FLRT2: variants seen among roughly 807,000 people sequenced by gnomAD.
FLRT2 encodes leucine-rich repeat transmembrane protein FLRT2.
FLRT2 carries 15 observed loss-of-function variants against 40.0 expected under a neutral mutation model. That is an observed-to-expected ratio of 0.38 (90% CI 0.25 to 0.58). The LOEUF (loss-of-function observed/expected upper bound fraction) is 0.58. Ranked by LOEUF, FLRT2 falls within the 20% of genes least tolerant of loss-of-function variation. The probability of loss-of-function intolerance (pLI) is 0.71; values close to 1 mark genes in which losing one functional copy is unlikely to be tolerated. For synonymous variants in FLRT2, 380 were observed against 336.8 expected (o/e 1.13, Z -1.41); for missense variants, 726 against 840.0 (o/e 0.86, Z 1.68).
chr14:85,595,573 G>A (rs1323299524), intron 1 of FLRT2, among the ~76,000 whole-genome samples: 1 of 152,084 alleles, frequency 6.6e-6, no homozygotes, highest in Non-Finnish European at 1.5e-5. Flanking sequence ...ACACAGCTAT[G>A]AGAAATCATG....
At chr14:85,579,172 C>T (rs1376457250) in intron 1 of FLRT2, among the ~76,000 whole-genome samples, 2 of 152,184 alleles carry the variant, frequency 1.3e-5, no homozygotes, top group African/African-American at 4.8e-5. Context: ...TCAGTGGGAG[C>T]TGTGCAGTGG....
chr14:85,573,834 A>C (rs1193779033), intron 1 of FLRT2, among the ~76,000 whole-genome samples: 1 of 152,094 alleles, frequency 6.6e-6, no homozygotes, highest in Non-Finnish European at 1.5e-5. Context: ...TCTCAAGTAA[A>C]CCCTGCTTTA....
intron 1 of FLRT2, among the ~76,000 whole-genome samples, chr14:85,593,448 C>A (rs1373323019): frequency 6.7e-6 from 1 of 148,800 alleles, no homozygotes; most frequent in Non-Finnish European, 1.5e-5. Context: ...TTTCACAGGG[C>A]TCTTCCTTAC....
rs67876387 is a variant in FLRT2 at position 85,599,219 on chromosome 14, CTTT to C, written c.-376-21901_-376-21899del. Among the ~76,000 whole-genome samples, 61 of 129,296 alleles carry C rather than the reference CTTT, an allele frequency of 4.7e-4. 2 individuals are homozygous for C. Among genetic ancestry groups the C allele is most frequent in the East Asian group, 1.6e-3 (7 of 4,438 alleles). The allele number at this position is 129,296 out of a possible 152,430, so 84.8% of individuals were successfully genotyped here. A position where few individuals can be genotyped will look rare whatever the true frequency, so the allele number is the denominator to read the frequency against. ...ACAGGCGTGAGCCGCTGCGCCTGGC[CTTT>C]TTTTTTTTTTTTTTTTTTCAAGGTG... On this transcript the variant is annotated intron_variant, in intron 1 of 1. Coordinates refer to ENST00000330753, the MANE Select transcript of FLRT2 (RefSeq NM_013231.6).
At chr14:85,554,805 A>G (rs1889857965) in intron 1 of FLRT2, among the ~76,000 whole-genome samples, 1 of 152,156 alleles carries the variant, frequency 6.6e-6, no homozygotes. Flanking sequence ...TGGTTGGGAG[A>G]ACAATTCTGT....
At chr14:85,571,449 A>T (rs1446272186) in intron 1 of FLRT2, among the ~76,000 whole-genome samples, 1 of 152,194 alleles carries the variant, frequency 6.6e-6, no homozygotes, top group Non-Finnish European at 1.5e-5. Flanking sequence ...GGGGTGATTG[A>T]TGTAGACATA....
chr14:85,573,192 T>C (rs1026409060), intron 1 of FLRT2, among the ~76,000 whole-genome samples: 14 of 151,878 alleles, frequency 9.2e-5, no homozygotes, highest in African/African-American at 3.4e-4. Context: ...AAAAAGCTGA[T>C]ATATCACAGA....
rs953754764 is a variant in FLRT2, at chr14:85,635,955, A to G, written c.*12458A>G. 1 of 152,156 alleles carries G rather than the reference A, an allele frequency of 6.6e-6. No individual in the cohort carries two copies. The highest frequency in any genetic ancestry group is 1.5e-5 in the Non-Finnish European group (1 of 67,992). 9.4% of individuals were successfully genotyped at this position (152,156 alleles called of 1,614,324 possible). On this transcript the variant is annotated 3_prime_UTR_variant, in exon 2 of 2. Coordinates refer to ENST00000330753, the MANE Select transcript of FLRT2 (RefSeq NM_013231.6). ...TTAAAGATGTTTATATAATTTTTAT[A>G]TAATACACACTTCCAATAATTGATA...
At chr14:85,595,713 T>C (rs1271328473) in intron 1 of FLRT2, among the ~76,000 whole-genome samples, 4 of 152,180 alleles carry the variant, frequency 2.6e-5, no homozygotes, top group African/African-American at 4.8e-5. Flanking sequence ...AGAATTAATA[T>C]TCAAAATTTT....
At chr14:85,620,543 C>A (rs778383586) in intron 1 of FLRT2, among the ~76,000 whole-genome samples, 1 of 152,034 alleles carries the variant, frequency 6.6e-6, no homozygotes, top group African/African-American at 2.4e-5. Flanking sequence ...TATTCAGCTA[C>A]AGCTTTTTTA....
In FLRT2 at chr14:85,645,436, AC is replaced by A. The variant is rs1566775222; in HGVS notation, c.*21941del. ...AATTGGCACTTTTTCTTCAACCCAT[AC>A]CTGCTTCTCAGAGAAACTATAGAGA... On this transcript the variant is annotated 3_prime_UTR_variant, in exon 2 of 2. Transcript: ENST00000330753. 1 of 151,986 alleles carries A rather than the reference AC, an allele frequency of 6.6e-6. No homozygotes were observed. The highest frequency in any genetic ancestry group is 1.5e-5 in the Non-Finnish European group (1 of 68,002). The allele number at this position is 151,986 out of a possible 1,614,324, so 9.4% of individuals were successfully genotyped here.
intron 1 of FLRT2, among the ~76,000 whole-genome samples, chr14:85,566,036 A>T (rs961988810): frequency 6.6e-6 from 1 of 152,196 alleles, no homozygotes; most frequent in South Asian, 2.1e-4. Context: ...TTAGAATAAG[A>T]AACATGAGTC....
chr14:85,611,920 G>A (rs1467708486), intron 1 of FLRT2, among the ~76,000 whole-genome samples: 3 of 64,244 alleles, frequency 4.7e-5, no homozygotes, highest in African/African-American at 1.5e-4. Context: ...GCGAAAGCGT[G>A]TGTGTGTGTG....
rs1894258139 is a variant in FLRT2, at chr14:85,645,027, G to C, written c.*21530G>C. 6.6e-6 allele frequency: 1 copy of C among 152,054 alleles called. No homozygotes were observed. Among genetic ancestry groups the C allele is most frequent in the African/African-American group, 2.4e-5 (1 of 41,388 alleles). The allele number at this position is 152,054 out of a possible 1,614,324, so 9.4% of individuals were successfully genotyped here. On this transcript the variant is annotated 3_prime_UTR_variant, in exon 2 of 2. Transcript: ENST00000330753. Reference sequence around the variant, plus strand: ...CTAATAGAAATAGATGCCGAAAGAGGCTCAACTGTTGGCTATTGGATCCCG... The same window carrying C: ...CTAATAGAAATAGATGCCGAAAGAGCCTCAACTGTTGGCTATTGGATCCCG...
chr14:85,549,782 A>T lies in FLRT2; in HGVS notation c.-377+19248A>T, dbSNP rs1889499758. ...TCCCTTTGCCCTCCAATGTAAAATGATATGAATTCTGTGGCTTACACATAG... is the reference window on the plus strand; with the variant it reads ...TCCCTTTGCCCTCCAATGTAAAATGTTATGAATTCTGTGGCTTACACATAG... On this transcript the variant is annotated intron_variant, in intron 1 of 1. Transcript: ENST00000330753. 2.0e-5 allele frequency among the ~76,000 whole-genome samples: 3 copies of T among 149,906 alleles called. No homozygotes were observed. In the Admixed American group the frequency reaches 2.0e-4, roughly 10 times the overall value.
intron 1 of FLRT2, among the ~76,000 whole-genome samples, chr14:85,540,162 A>G (rs1488295745): frequency 6.6e-6 from 1 of 152,160 alleles, no homozygotes; most frequent in Non-Finnish European, 1.5e-5. Context: ...CCTTTTGCAA[A>G]CACACACCAA....
rs558456174 is a variant in FLRT2, at chr14:85,628,369, G to T, written c.*4872G>T. ...TGCCCAGGCTGGTCTCAAACTCCTA[G>T]ATGCAAGCAATCATCCCACCTCGAT... On this transcript the variant is annotated 3_prime_UTR_variant, in exon 2 of 2. Coordinates refer to ENST00000330753, the MANE Select transcript of FLRT2 (RefSeq NM_013231.6). 1 of 151,986 alleles carries T rather than the reference G, an allele frequency of 6.6e-6. No individual in the cohort carries two copies. The highest frequency in any genetic ancestry group is 2.1e-4 in the South Asian group (1 of 4,790). 9.4% of individuals were successfully genotyped at this position (151,986 alleles called of 1,614,324 possible).
chr14:85,589,103 T>C (rs1291326171), intron 1 of FLRT2, among the ~76,000 whole-genome samples: 1 of 152,124 alleles, frequency 6.6e-6, no homozygotes, highest in African/African-American at 2.4e-5. Flanking sequence ...ATGGCCAACA[T>C]TTTCTTTCTT....
chr14:85,592,534 A>T (rs2139318943), intron 1 of FLRT2, among the ~76,000 whole-genome samples: 1 of 152,234 alleles, frequency 6.6e-6, no homozygotes, highest in Non-Finnish European at 1.5e-5. Context: ...AACGGCTGTA[A>T]TCCCAGCACT....
Sources: gnomAD v4.1 joint callset for allele counts (sites outside exome capture counted in the v4.1 genomes callset) on GRCh38, gnomAD v4.1.1 for gene constraint, MANE v1.5 for transcripts, NCBI Gene and HGNC (gene_info 2026-07-23, HGNC 2026-07-21) for gene names.